Variants in CPED1 observed in about 807,000 individuals in gnomAD.
The protein encoded by CPED1 is cadherin-like and PC-esterase domain-containing protein 1.
A neutral mutation model predicts 128.2 loss-of-function variants in CPED1; 114 were observed. The ratio of observed to expected loss-of-function variants is 0.89; its 90% confidence interval spans 0.76 to 1.04. The LOEUF (loss-of-function observed/expected upper bound fraction) is 1.04. CPED1 is among the 50% of genes least tolerant of loss of function. The pLI is 0.00. For synonymous variants in CPED1, 462 were observed against 426.7 expected, an observed-to-expected ratio of 1.08 and a Z score of -1.02; for missense variants, 1,211 against 1,207.1, an observed-to-expected ratio of 1.00 and a Z score of -0.05.
At chr7:121,131,278 C>A (rs901285680) in intron 12 of CPED1, among the ~76,000 whole-genome samples, 3 of 152,004 alleles carry the variant, frequency 2.0e-5, no homozygotes, top group African/African-American at 7.2e-5. Flanking sequence ...ACCTTATTTG[C>A]CATGGCTTTA....
At chr7:121,276,330 CAGT>C (rs1172728854) in intron 22 of CPED1, among the ~76,000 whole-genome samples, 1 of 152,082 alleles carries the variant, frequency 6.6e-6, no homozygotes, top group Non-Finnish European at 1.5e-5. Flanking sequence ...CTTAACCAGC[CAGT>C]TACCAAATCC....
chr7:121,137,643 G>A (rs34362455), intron 14 of CPED1, among the ~76,000 whole-genome samples: 15,508 of 151,984 alleles, frequency 0.1, 842 homozygotes, highest in South Asian at 0.17. Context: ...AAAGAAAATG[G>A]CATTTTAAAT....
At chr7:121,018,274 T>A (rs1792355599) in intron 3 of CPED1, among the ~76,000 whole-genome samples, 1 of 152,206 alleles carries the variant, frequency 6.6e-6, no homozygotes, top group African/African-American at 2.4e-5. Context: ...ATTGAGGCAC[T>A]TGCTACAAAA....
intron 16 of CPED1, among the ~76,000 whole-genome samples, chr7:121,182,999 G>T (rs1405628613): frequency 1.4e-5 from 2 of 145,914 alleles, no homozygotes; most frequent in Non-Finnish European, 3.0e-5. Flanking sequence ...TCTTTTCAAA[G>T]AAAAAAAAAA....
chr7:121,159,327 A>C (rs1796360613), intron 16 of CPED1, among the ~76,000 whole-genome samples: 1 of 152,270 alleles, frequency 6.6e-6, no homozygotes, highest in African/African-American at 2.4e-5. Context: ...TCAAAACTGC[A>C]CCAGAATCTG....
At chr7:121,127,785 C>T (rs370247091) in intron 10 of CPED1, among the ~76,000 whole-genome samples, 6 of 151,970 alleles carry the variant, frequency 3.9e-5, no homozygotes, top group East Asian at 1.9e-4. Context: ...CCGCCTGCCT[C>T]GGCCTCCCAA....
chr7:121,257,159 G>A (rs1047096868), intron 18 of CPED1, among the ~76,000 whole-genome samples: 5 of 151,910 alleles, frequency 3.3e-5, no homozygotes, highest in Admixed American at 3.3e-4. Flanking sequence ...TCAAACCTCA[G>A]CATCATGCAA....
chr7:121,014,498 C>T (rs906370756), intron 2 of CPED1, among the ~76,000 whole-genome samples: 23 of 145,730 alleles, frequency 1.6e-4, no homozygotes, highest in Non-Finnish European at 2.1e-4. Context: ...TGCAGTGAGC[C>T]GAGATTGCAC....
Position 121,155,019 on chromosome 7 carries a change from A to G in CPED1, c.2055+12878A>G, listed in dbSNP as rs75840029. Among the ~76,000 whole-genome samples, 138 of 152,332 alleles carry G rather than the reference A, an allele frequency of 9.1e-4. 2 individuals carry two copies. Among genetic ancestry groups the G allele is most frequent in the African/African-American group, 3.2e-3 (133 of 41,580 alleles). On this transcript the variant is annotated intron_variant, in intron 16 of 22. Transcript: ENST00000310396. ...TTAGAGTTGCTAAACAATTCAGTTA[A>G]GTTGCGGGTTGCAAAATCAACATAC... is the stretch of plus-strand genomic sequence containing the variant.
chr7:121,067,274 CCCA>C, intron 5 of CPED1, among the ~76,000 whole-genome samples: 1 of 151,876 alleles, frequency 6.6e-6, no homozygotes, highest in East Asian at 1.9e-4. Flanking sequence ...ATTCCCCCAC[CCCA>C]CAACAGGCCC....
chr7:121,251,524 T>C (rs1387104541), intron 18 of CPED1, among the ~76,000 whole-genome samples: 3 of 152,172 alleles, frequency 2.0e-5, no homozygotes, highest in Admixed American at 6.6e-5. Context: ...GGAAGTCAAA[T>C]TGTCCCTGTT....
intron 16 of CPED1, among the ~76,000 whole-genome samples, chr7:121,162,548 G>C (rs1412225640): frequency 6.6e-6 from 1 of 152,112 alleles, no homozygotes; most frequent in Admixed American, 6.5e-5. Context: ...ACAATGACTA[G>C]AACAATTTAT....
intron 7 of CPED1, among the ~76,000 whole-genome samples, chr7:121,121,077 A>G (rs963010073): frequency 6.6e-6 from 1 of 152,044 alleles, no homozygotes; most frequent in Non-Finnish European, 1.5e-5. Context: ...ATTGAGATCA[A>G]TTCACTCAAG....
chr7:121,120,463 G>C (rs960416617), intron 7 of CPED1, among the ~76,000 whole-genome samples: 3 of 152,098 alleles, frequency 2.0e-5, no homozygotes, highest in Admixed American at 2.0e-4. Flanking sequence ...AACATTCCCT[G>C]ATATGACTTA....
At chr7:121,251,662 TACACCAATA>T (rs1369041897) in intron 18 of CPED1, among the ~76,000 whole-genome samples, 1 of 152,202 alleles carries the variant, frequency 6.6e-6, no homozygotes, top group African/African-American at 2.4e-5. Context: ...AACATTCTCG[TACACCAATA>T]ACAGACAAAC....
At chr7:121,223,079 A>G (rs1238237158) in intron 16 of CPED1, among the ~76,000 whole-genome samples, 1 of 152,128 alleles carries the variant, frequency 6.6e-6, no homozygotes, top group Non-Finnish European at 1.5e-5. Context: ...TCAGTATGAT[A>G]TTGGCTGTGG....
At chr7:121,009,345 T>C (rs143609276) in intron 2 of CPED1, among the ~76,000 whole-genome samples, 146 of 152,272 alleles carry the variant, frequency 9.6e-4, no homozygotes, top group East Asian at 7.3e-3. Flanking sequence ...GGCTCATGCC[T>C]GTAATCCCAG....
At chr7:121,171,149 T>C (rs1469493164) in intron 16 of CPED1, among the ~76,000 whole-genome samples, 1 of 152,198 alleles carries the variant, frequency 6.6e-6, no homozygotes, top group Admixed American at 6.5e-5. Context: ...CTGTCATCAT[T>C]AAATGATTTG....
At chr7:121,234,933 C>A (rs1430117858) in intron 16 of CPED1, among the ~76,000 whole-genome samples, 1 of 152,054 alleles carries the variant, frequency 6.6e-6, no homozygotes, top group Non-Finnish European at 1.5e-5. Context: ...TTATACATAT[C>A]CCTTATGTTT....
Sources: gnomAD v4.1 joint callset for allele counts (sites outside exome capture counted in the v4.1 genomes callset) on GRCh38, gnomAD v4.1.1 for gene constraint, MANE v1.5 for transcripts, NCBI Gene and HGNC (gene_info 2026-07-23, HGNC 2026-07-21) for gene names.